The following WDPCP variants were observed in gnomAD, a reference collection of about 807,000 sequenced individuals.
WDPCP encodes WD repeat containing planar cell polarity effector.
WDPCP carries 71 observed loss-of-function variants against 93.1 expected under a neutral mutation model. The ratio of observed to expected loss-of-function variants is 0.76; its 90% CI spans 0.63 to 0.93. The LOEUF is 0.93. Ranked by LOEUF, WDPCP falls within the 40% of genes least tolerant of loss-of-function variation. WDPCP has a pLI of 0.00. For missense variants in WDPCP, 844 were observed against 887.4 expected, an observed-to-expected ratio of 0.95 and a Z score of 0.62; for synonymous variants, 315 against 315.0, an observed-to-expected ratio of 1.00 and a Z score of 0.00.
chr2:63,808,437 C>T (rs961593320), intron 2 of WDPCP, among the ~76,000 whole-genome samples: 1 of 151,936 alleles, frequency 6.6e-6, no homozygotes, highest in African/African-American at 2.4e-5. Context: ...ACTGCAGCCT[C>T]CCTGCCTGAT....
intron 1 of WDPCP, among the ~76,000 whole-genome samples, chr2:63,499,851 T>C (rs1701436530): frequency 6.6e-6 from 1 of 152,196 alleles, no homozygotes; most frequent in Non-Finnish European, 1.5e-5. Flanking sequence ...TGGGTACCAG[T>C]GCATTCCATC....
At chr2:63,150,025 G>A (rs1420411713) in intron 17 of WDPCP, among the ~76,000 whole-genome samples, 1 of 151,946 alleles carries the variant, frequency 6.6e-6, no homozygotes, top group Non-Finnish European at 1.5e-5. Flanking sequence ...TTTTATTTAT[G>A]GAACTTGCCT....
chr2:63,230,448 G>A (rs1403593352), intron 14 of WDPCP, among the ~76,000 whole-genome samples: 1 of 152,040 alleles, frequency 6.6e-6, no homozygotes, highest in African/African-American at 2.4e-5. Context: ...TTGGGTATAT[G>A]CCCAGTAATG....
At position 63,166,919 on chromosome 2, in the gene WDPCP, A is replaced by C. The variant is rs1042671504; in HGVS notation, c.2078+7751T>G. On this transcript the variant is annotated intron_variant, in intron 15 of 17. Transcript: ENST00000272321. ...TCATTCTATCTGATTGTATTTTTGT[A>C]CCCATTAACCATCCCCACCGCCATC... Among the ~76,000 whole-genome samples the C allele has an allele frequency of 9.2e-5, 14 of 151,964 alleles. No homozygotes were observed. In the South Asian group the frequency reaches 1.2e-3, roughly 14 times the overall value.
chr2:63,592,367 T>A (rs116616225), upstream of WDPCP, among the ~76,000 whole-genome samples: 1 of 152,220 alleles, frequency 6.6e-6, no homozygotes, highest in Admixed American at 6.5e-5. Context: ...AAGTTTTTGT[T>A]TGAGACAGGA....
At chr2:63,769,663 G>C (rs1670197275) in intron 2 of WDPCP, among the ~76,000 whole-genome samples, 2 of 151,808 alleles carry the variant, frequency 1.3e-5, no homozygotes, top group African/African-American at 4.8e-5. Context: ...GAACTACTCT[G>C]AGTTTGGTAA....
intron 14 of WDPCP, among the ~76,000 whole-genome samples, chr2:63,193,431 A>C (rs1429912024): frequency 2.0e-5 from 3 of 152,262 alleles, no homozygotes. Context: ...TATGTTAACA[A>C]AAATGTTTAA....
At chr2:63,286,305 A>C (rs1484029876) in intron 13 of WDPCP, among the ~76,000 whole-genome samples, 1 of 152,208 alleles carries the variant, frequency 6.6e-6, no homozygotes, top group African/African-American at 2.4e-5. Flanking sequence ...AAAGAAGTGA[A>C]AATAGCCTTA....
At chr2:63,317,904 A>C (rs1164503125) in intron 12 of WDPCP, among the ~76,000 whole-genome samples, 1 of 152,194 alleles carries the variant, frequency 6.6e-6, no homozygotes, top group Non-Finnish European at 1.5e-5. Context: ...CAAAAACAAA[A>C]AATTCATGAA....
At position 63,437,473 on chromosome 2, in the gene WDPCP, T is replaced by C. The variant is rs750252971; in HGVS notation, c.581A>G (p.Glu194Gly). 39 of 1,602,604 alleles carry C rather than the reference T, an allele frequency of 2.4e-5. No homozygotes were observed. Among genetic ancestry groups the C allele is most frequent in the Non-Finnish European group, 3.1e-5 (36 of 1,174,582 alleles). ...LCFIQFTKKMESSDVNKRLEK... is the reference protein window; with the variant it reads ...LCFIQFTKKMGSSDVNKRLEK... ...CAGTCTTTTGTTTACATCAGAAGAC[T>C]CCATCTTCTTGGTAAACTGAATAAA... is the stretch of plus-strand genomic sequence containing the variant. The change falls in exon 8 of 18, where the codon GAG becomes GGG. Residue 194 changes from glutamate (E) to glycine (G), a missense_variant. Glu to Gly is a moderately conservative substitution (Grantham distance 98). Transcript: ENST00000272321.
chr2:63,154,447 T>G (rs751358714), intron 15 of WDPCP, among the ~76,000 whole-genome samples: 4 of 152,170 alleles, frequency 2.6e-5, no homozygotes, highest in Non-Finnish European at 4.4e-5. Context: ...TATAATGCCC[T>G]GATATTCATC....
intron 2 of WDPCP, among the ~76,000 whole-genome samples, chr2:63,719,133 G>A (rs1669380066): frequency 6.6e-6 from 1 of 152,204 alleles, no homozygotes; most frequent in Admixed American, 6.5e-5. Flanking sequence ...GAAGGAACAA[G>A]AGGGACTATG....
chr2:63,780,613 GAA>G (rs1553455852), intron 2 of WDPCP, among the ~76,000 whole-genome samples: 1 of 152,180 alleles, frequency 6.6e-6, no homozygotes, highest in Non-Finnish European at 1.5e-5. Context: ...TGAAGTGTAA[GAA>G]ATGAAAGGCA....
intron 2 of WDPCP, among the ~76,000 whole-genome samples, chr2:63,741,829 T>G (rs1250214863): frequency 1.3e-5 from 2 of 152,108 alleles, no homozygotes; most frequent in Non-Finnish European, 2.9e-5. Flanking sequence ...TATTCCAGAC[T>G]TCTCTATGCC....
chr2:63,840,320 T>A, the WDPCP span, among the ~76,000 whole-genome samples: 1 of 152,218 alleles, frequency 6.6e-6, no homozygotes, highest in East Asian at 1.9e-4. Flanking sequence ...ACATCCTCTT[T>A]CCTTGAGGAC....
At chr2:63,142,598 G>A (rs1284954418) in intron 17 of WDPCP, among the ~76,000 whole-genome samples, 1 of 152,086 alleles carries the variant, frequency 6.6e-6, no homozygotes, top group Non-Finnish European at 1.5e-5. Flanking sequence ...TGTGTGTTCT[G>A]TGGTTGTTGG....
intron 14 of WDPCP, among the ~76,000 whole-genome samples, chr2:63,219,279 G>T (rs1677615869): frequency 1.3e-5 from 2 of 152,182 alleles, no homozygotes; most frequent in Non-Finnish European, 2.9e-5. Context: ...TTTACAAGTA[G>T]GGTGTGGCTA....
At chr2:63,809,449 G>C (rs1220500852) in intron 2 of WDPCP, among the ~76,000 whole-genome samples, 16 of 152,248 alleles carry the variant, frequency 1.1e-4, no homozygotes, top group Admixed American at 2.6e-4. Flanking sequence ...TGATGACAAT[G>C]GCGGTTTTGT....
intron 12 of WDPCP, among the ~76,000 whole-genome samples, chr2:63,370,069 CCAT>C (rs1691253156): frequency 6.6e-6 from 1 of 152,056 alleles, no homozygotes; most frequent in South Asian, 2.1e-4. Flanking sequence ...CATATAATGA[CCAT>C]CGAGTTATTT....
Sources: allele counts gnomAD v4.1 joint callset (sites outside exome capture counted in the v4.1 genomes callset), GRCh38; gene constraint gnomAD v4.1.1; transcripts MANE v1.5; gene names NCBI Gene and HGNC (gene_info 2026-07-23, HGNC 2026-07-21).